Variants in LAMA1 observed in about 807,000 individuals in gnomAD.
The protein encoded by LAMA1 is laminin subunit alpha-1.
A neutral mutation model predicts 348.7 loss-of-function variants in LAMA1; 219 were observed. The observed-to-expected ratio is 0.63, with a 90% CI of 0.56 to 0.70. The LOEUF (loss-of-function observed/expected upper bound fraction) is 0.70. Ranked by LOEUF, LAMA1 falls within the 30% of genes least tolerant of loss-of-function variation. The probability of loss-of-function intolerance (pLI) is 0.00; values close to 1 mark genes in which losing one functional copy is unlikely to be tolerated. For missense variants in LAMA1, 3,744 were observed against 3,888.0 expected, an observed-to-expected ratio of 0.96 and a Z score of 0.99; for synonymous variants, 1,487 against 1,491.0, an observed-to-expected ratio of 1.00 and a Z score of 0.06.
chr18:7,007,545 C>T (rs2057838249), intron 28 of LAMA1, among the ~76,000 whole-genome samples: 1 of 150,902 alleles, frequency 6.6e-6, no homozygotes, highest in Admixed American at 6.6e-5. Flanking sequence ...TGGAAAATGG[C>T]ACAGGAAAAA....
chr18:7,023,943 A>T (rs918430130), intron 18 of LAMA1, among the ~76,000 whole-genome samples: 11 of 151,962 alleles, frequency 7.2e-5, no homozygotes, highest in Non-Finnish European at 1.3e-4. Flanking sequence ...GGTTCAAGTG[A>T]TTCTCCTGCC....
chr18:7,095,148 CTCTCTCTCT>C (rs1217409361), intron 1 of LAMA1, among the ~76,000 whole-genome samples: 31 of 128,774 alleles, frequency 2.4e-4, no homozygotes, highest in African/African-American at 7.3e-4. Flanking sequence ...CTCTCTCTCT[CTCTCTCTCT>C]CCTCTGCTGT....
chr18:6,942,144 C>T lies in LAMA1; in HGVS notation c.9163G>A (p.Asp3055Asn). ...LIKSPQVQSF[D>N]FSRAFELHGV... is the part of the protein sequence containing the mutation. Reference sequence around the variant, plus strand: ...TGCAGTTCGAACGCTCTGCTGAAGTCAAAGGACTGCACCTGCGGGCTCTTA... The same window carrying T: ...TGCAGTTCGAACGCTCTGCTGAAGTTAAAGGACTGCACCTGCGGGCTCTTA... Residue 3055 changes from aspartate (D) to asparagine (N), a missense_variant, in exon 63 of 63, where the codon GAC (aspartate) becomes AAC (asparagine). Physicochemically the swap from Asp to Asn is conservative, Grantham distance 23. Transcript: ENST00000389658. The T allele has an allele frequency of 6.2e-7, 1 of 1,614,150 alleles. No individual in the cohort carries two copies. Among genetic ancestry groups the T allele is most frequent in the Non-Finnish European group, 8.5e-7 (1 of 1,180,044 alleles).
intron 1 of LAMA1, among the ~76,000 whole-genome samples, chr18:7,087,727 C>T (rs1300997094): frequency 6.6e-6 from 1 of 152,196 alleles, no homozygotes; most frequent in Non-Finnish European, 1.5e-5. Flanking sequence ...AGGAAGAACA[C>T]AGGCTTCAAG....
intron 3 of LAMA1, among the ~76,000 whole-genome samples, chr18:7,065,760 T>C (rs989964331): frequency 1.3e-5 from 2 of 152,154 alleles, no homozygotes; most frequent in African/African-American, 4.8e-5. Flanking sequence ...CAGAAGCGAA[T>C]AAGTATAATA....
chr18:7,117,598 G>A (rs2058363031), intron 1 of LAMA1, 62 bp downstream of exon 1: 4 of 1,545,248 alleles, frequency 2.6e-6, no homozygotes, highest in African/African-American at 1.4e-5. Flanking sequence ...GGCTTTGTCC[G>A]CGGCCGCCCC....
At chr18:7,035,858 A>T (rs1426672227) in intron 13 of LAMA1, 129 bp downstream of exon 13, 1 of 739,158 alleles carries the variant, frequency 1.4e-6, no homozygotes, top group African/African-American at 1.7e-5. Context: ...ACGCAAGTCC[A>T]GGGTCTACTG....
intron 1 of LAMA1, among the ~76,000 whole-genome samples, chr18:7,090,100 T>A (rs1205140525): frequency 2.0e-5 from 3 of 152,184 alleles, no homozygotes; most frequent in East Asian, 1.9e-4. Context: ...TCCTCTCCCC[T>A]GGGAAACCTG....
chr18:7,103,262 G>A (rs1385298148), intron 1 of LAMA1, among the ~76,000 whole-genome samples: 6 of 151,896 alleles, frequency 4.0e-5, no homozygotes, highest in South Asian at 2.1e-4. Flanking sequence ...AAAATTAGCC[G>A]GGCATGGTGG....
rs1023906821 is a variant in LAMA1, at chr18:7,008,705, G to A, written c.4002-97C>T. 10 of 1,434,906 alleles carry A rather than the reference G, an allele frequency of 7.0e-6. No individual in the cohort carries two copies. In the African/African-American group the frequency reaches 9.8e-5, roughly 14 times the overall value. 88.9% of individuals were successfully genotyped at this position (1,434,906 alleles called of 1,614,324 possible). A position where few individuals can be genotyped will look rare whatever the true frequency, so the allele number is the denominator to read the frequency against. On this transcript the variant is annotated intron_variant, in intron 27 of 62. Transcript: ENST00000389658. ...TAACACTTGCATATATATGAAACCA[G>A]AGCTTTCTTCCCTGTTTGGAGTAGT... is the stretch of plus-strand genomic sequence containing the variant.
intron 9 of LAMA1, among the ~76,000 whole-genome samples, chr18:7,040,935 T>A (rs2058017812): frequency 6.6e-6 from 1 of 152,076 alleles, no homozygotes; most frequent in East Asian, 1.9e-4. Context: ...TCAGAATAGG[T>A]AAATCTGCAA....
intron 1 of LAMA1, among the ~76,000 whole-genome samples, chr18:7,106,179 G>A (rs2058310962): frequency 6.6e-6 from 1 of 152,146 alleles, no homozygotes; most frequent in Non-Finnish European, 1.5e-5. Context: ...CAGAGCACTA[G>A]TCTGTGGGCT....
chr18:7,081,009 TA>T (rs2058191368), intron 1 of LAMA1, among the ~76,000 whole-genome samples: 1 of 152,022 alleles, frequency 6.6e-6, no homozygotes, highest in African/African-American at 2.4e-5. Context: ...TGTCTATTAT[TA>T]AAAAGTCAAA....
chr18:7,116,889 C>CT (rs1431555668), intron 1 of LAMA1, among the ~76,000 whole-genome samples: 2 of 152,160 alleles, frequency 1.3e-5, no homozygotes, highest in African/African-American at 4.8e-5. Context: ...AAAATTCGCT[C>CT]TGAGTTTCTC....
At chr18:7,012,536 C>T (rs1600392888) in intron 23 of LAMA1, among the ~76,000 whole-genome samples, 2 of 149,388 alleles carry the variant, frequency 1.3e-5, no homozygotes, top group East Asian at 4.0e-4. Context: ...GACAGAGTCT[C>T]GCTCTGTCAC....
intron 9 of LAMA1, among the ~76,000 whole-genome samples, chr18:7,041,465 GGGGGCCCACCCATCCCTACT>G (rs1568042902): frequency 6.6e-6 from 1 of 152,134 alleles, no homozygotes; most frequent in Non-Finnish European, 1.5e-5. Context: ...CCCATCGCTG[GGGGGCCCACCCATCCCTACT>G]GGTCGATATC....
intron 3 of LAMA1, among the ~76,000 whole-genome samples, chr18:7,060,390 T>C (rs188474357): frequency 2.2e-3 from 340 of 152,330 alleles, no homozygotes; most frequent in South Asian, 5.0e-3. Context: ...TGTCCCAAAA[T>C]TAAAACAAAA....
intron 39 of LAMA1, 76 bp from the exon 40 acceptor site, chr18:6,983,310 T>C: frequency 6.7e-7 from 1 of 1,500,960 alleles, no homozygotes; most frequent in Non-Finnish European, 9.2e-7. Context: ...AAATCATAAA[T>C]GCCTACCAGT....
chr18:6,963,292 T>A (rs1173928279), intron 51 of LAMA1, among the ~76,000 whole-genome samples: 1 of 152,186 alleles, frequency 6.6e-6, no homozygotes. Flanking sequence ...TACTAGGACA[T>A]AGCCGAGGCT....
Sources: allele counts gnomAD v4.1 joint callset (sites outside exome capture counted in the v4.1 genomes callset), GRCh38; gene constraint gnomAD v4.1.1; transcripts MANE v1.5; gene names NCBI Gene and HGNC (gene_info 2026-07-23, HGNC 2026-07-21).